The following EYS variants were observed in gnomAD, a reference collection of about 807,000 sequenced individuals.
EYS encodes EGF-like photoreceptor maintenance factor.
A neutral mutation model predicts 282.1 loss-of-function variants in EYS; 250 were observed. That is an observed-to-expected ratio of 0.89 (90% confidence interval 0.80 to 0.98). The LOEUF (loss-of-function observed/expected upper bound fraction) is 0.98. Ranked by LOEUF, EYS falls within the 50% of genes least tolerant of loss-of-function variation. The probability of loss-of-function intolerance (pLI) is 0.00; values close to 1 mark genes in which losing one functional copy is unlikely to be tolerated. For missense variants in EYS, 4,016 were observed against 3,709.0 expected (o/e 1.08, Z -2.15); for synonymous variants, 1,355 against 1,282.9 (o/e 1.06, Z -1.20).
At chr6:65,194,853 G>T (rs1408009211) in intron 12 of EYS, among the ~76,000 whole-genome samples, 5 of 142,760 alleles carry the variant, frequency 3.5e-5, no homozygotes, top group Admixed American at 7.1e-5. Flanking sequence ...TTTGCCAGTT[G>T]TTTTTTTTTT....
intron 2 of EYS, among the ~76,000 whole-genome samples, chr6:65,619,555 T>C (rs1051192559): frequency 2.0e-5 from 3 of 152,190 alleles, no homozygotes; most frequent in Non-Finnish European, 4.4e-5. Flanking sequence ...TTCCTTCCAC[T>C]GCCTAATTGC....
intron 7 of EYS, 30 bp from the exon 8 acceptor site, chr6:65,384,530 A>T (rs1394786547): frequency 2.8e-6 from 3 of 1,081,920 alleles, no homozygotes; most frequent in East Asian, 2.4e-5. Context: ...AATTAGAAAA[A>T]TTATAATTTA....
intron 35 of EYS, among the ~76,000 whole-genome samples, chr6:63,942,593 T>A (rs997161240): frequency 1.3e-5 from 2 of 152,194 alleles, no homozygotes; most frequent in Non-Finnish European, 2.9e-5. Flanking sequence ...GTAGAAGGGT[T>A]CTGATTACTC....
chr6:64,128,652 T>C (rs1773864929), intron 31 of EYS, among the ~76,000 whole-genome samples: 1 of 152,190 alleles, frequency 6.6e-6, no homozygotes, highest in Non-Finnish European at 1.5e-5. Context: ...AGATTTCTTA[T>C]AAAAGATACA....
intron 36 of EYS, among the ~76,000 whole-genome samples, chr6:63,826,845 C>CAAAAAAAAAAAAAAAAAAA (rs59957107): frequency 7.8e-5 from 6 of 76,762 alleles, no homozygotes; most frequent in Non-Finnish European, 1.3e-4. Context: ...AGTTAAAAAG[C>CAAAAAAAAAAAAAAAAAAA]AAAAAAAAAA....
intron 5 of EYS, among the ~76,000 whole-genome samples, chr6:65,436,027 CT>C (rs954482612): frequency 4.6e-5 from 7 of 151,896 alleles, no homozygotes; most frequent in African/African-American, 1.4e-4. Flanking sequence ...GTACATGGCC[CT>C]TTTTTTTACG....
intron 1 of EYS, among the ~76,000 whole-genome samples, chr6:65,692,333 G>A (rs1178731337): frequency 6.7e-6 from 1 of 150,032 alleles, no homozygotes; most frequent in African/African-American, 2.4e-5. Context: ...TGTTTACACT[G>A]AAGGAGTGAA....
chr6:63,871,575 T>C lies in EYS; in HGVS notation c.7056-7217A>G, dbSNP rs555090899. Among the ~76,000 whole-genome samples the C allele has an allele frequency of 1.1e-4, 17 of 152,086 alleles. No individual in the cohort carries two copies. The East Asian group carries it at 3.1e-3, about 28-fold the overall frequency. ...TACTCAGGAGGCTGAGGTGGGAGAA[T>C]CACTGGAACCCAGGAGGTGGAGGTT... On this transcript the variant is annotated intron_variant, in intron 35 of 42. Transcript: ENST00000503581.
intron 37 of EYS, among the ~76,000 whole-genome samples, chr6:63,792,169 C>T (rs534589347): frequency 6.6e-6 from 1 of 151,708 alleles, no homozygotes; most frequent in Non-Finnish European, 1.5e-5. Context: ...CAGACCTGTC[C>T]CAGGGCAAAG....
At chr6:63,726,820 A>C (rs1045626049) in intron 41 of EYS, 140 bp from the exon 42 acceptor site, 7 of 705,484 alleles carry the variant, frequency 9.9e-6, no homozygotes, top group Non-Finnish European at 2.3e-6. Context: ...GAGTACATCA[A>C]ACCTTGGTAA....
In EYS at chr6:63,838,872, T is replaced by C. The variant is rs1456685632; in HGVS notation, c.7228+25314A>G. Among the ~76,000 whole-genome samples, 5 of 152,294 alleles carry C rather than the reference T, an allele frequency of 3.3e-5. No homozygotes were observed. The East Asian group carries it at 9.6e-4, about 29-fold the overall frequency. On this transcript the variant is annotated intron_variant, in intron 36 of 42. Coordinates refer to ENST00000503581, the MANE Select transcript of EYS (RefSeq NM_001142800.2). ...CTCTTCATAAGTGATCTCATATATT[T>C]CCATGAGTTTGAATACTATTTATAC...
intron 14 of EYS, among the ~76,000 whole-genome samples, chr6:64,958,851 C>A (rs1769816568): frequency 6.6e-6 from 1 of 150,514 alleles, no homozygotes; most frequent in Non-Finnish European, 1.5e-5. Flanking sequence ...AATTTCTTGG[C>A]AATTGGTAAG....
chr6:64,816,153 A>C (rs949198038), intron 21 of EYS, among the ~76,000 whole-genome samples: 4 of 152,138 alleles, frequency 2.6e-5, no homozygotes, highest in African/African-American at 7.2e-5. Context: ...AGATACAGAG[A>C]GAACTACTAT....
At chr6:65,314,862 T>A (rs1255268720) in intron 11 of EYS, among the ~76,000 whole-genome samples, 1 of 152,108 alleles carries the variant, frequency 6.6e-6, no homozygotes, top group Non-Finnish European at 1.5e-5. Flanking sequence ...AACAATCCCA[T>A]ACAGAAGGGT....
intron 31 of EYS, among the ~76,000 whole-genome samples, chr6:64,202,452 T>G (rs959804528): frequency 6.6e-6 from 1 of 152,184 alleles, no homozygotes; most frequent in African/African-American, 2.4e-5. Context: ...AACAATTATT[T>G]TTTACTTAAT....
intron 13 of EYS, among the ~76,000 whole-genome samples, chr6:65,017,932 C>G (rs1468014416): frequency 6.6e-6 from 1 of 152,162 alleles, no homozygotes; most frequent in African/African-American, 2.4e-5. Flanking sequence ...GCTTGAATCT[C>G]AAGCCTCTGT....
chr6:65,585,748 C>G (rs1765021503), intron 2 of EYS, among the ~76,000 whole-genome samples: 1 of 151,244 alleles, frequency 6.6e-6, no homozygotes, highest in African/African-American at 2.4e-5. Flanking sequence ...TGAGTTTTAC[C>G]TAGAAAAGAT....
At chr6:64,293,889 T>C (rs570005170) in intron 30 of EYS, among the ~76,000 whole-genome samples, 21 of 152,258 alleles carry the variant, frequency 1.4e-4, no homozygotes, top group South Asian at 6.2e-4. Context: ...GTAGAATAAC[T>C]GATTTAGCTG....
chr6:63,786,482 A>G (rs1021850123), intron 39 of EYS, among the ~76,000 whole-genome samples: 1 of 151,866 alleles, frequency 6.6e-6, no homozygotes, highest in African/African-American at 2.4e-5. Context: ...GGAGTTGAAC[A>G]ATGAAAATGC....
Sources: gnomAD v4.1 joint callset for allele counts (sites outside exome capture counted in the v4.1 genomes callset) on GRCh38, gnomAD v4.1.1 for gene constraint, MANE v1.5 for transcripts, NCBI Gene and HGNC (gene_info 2026-07-23, HGNC 2026-07-21) for gene names.